The following FBRSL1 variants were observed in gnomAD, a reference collection of about 807,000 sequenced individuals.
FBRSL1 encodes the protein fibrosin like 1.
FBRSL1 carries 51 observed loss-of-function variants against 89.6 expected under a neutral mutation model. The ratio of observed to expected loss-of-function variants is 0.57; its 90% confidence interval spans 0.45 to 0.72. FBRSL1 has a LOEUF of 0.72. FBRSL1 is among the 30% of genes least tolerant of loss of function. The pLI is 0.00. For synonymous variants in FBRSL1, 779 were observed against 681.1 expected, an observed-to-expected ratio of 1.14 and a Z score of -2.24; for missense variants, 1,618 against 1,451.8, an observed-to-expected ratio of 1.11 and a Z score of -1.86.
chr12:132,548,046 C>A lies in FBRSL1; in HGVS notation c.645+14C>A. 6.5e-7 allele frequency: 1 copy of A among 1,549,996 alleles called. No homozygotes were observed. The highest frequency in any genetic ancestry group is 8.7e-7 in the Non-Finnish European group (1 of 1,146,570). ...CCGGACGACAAGGTAAGCCCAGCGT[C>A]CTCCTCCTGGGCTCGGCTGACAGCC... On this transcript the variant is annotated intron_variant, in intron 5 of 18. Coordinates refer to ENST00000680143, the MANE Select transcript of FBRSL1 (RefSeq NM_001367871.1).
intron 4 of FBRSL1, among the ~76,000 whole-genome samples, chr12:132,538,787 C>G (rs933169934): frequency 6.6e-6 from 1 of 152,150 alleles, no homozygotes; most frequent in Non-Finnish European, 1.5e-5. Flanking sequence ...AGCCTAAATA[C>G]TCATAAAAAC....
chr12:132,528,888 A>C (rs1403133745), intron 4 of FBRSL1, among the ~76,000 whole-genome samples: 1 of 152,096 alleles, frequency 6.6e-6, no homozygotes, highest in East Asian at 1.9e-4. Flanking sequence ...CTCCTTGCAC[A>C]TGTGCCTGGA....
chr12:132,512,780 C>G (rs1451992415), intron 2 of FBRSL1, among the ~76,000 whole-genome samples: 1 of 152,216 alleles, frequency 6.6e-6, no homozygotes, highest in African/African-American at 2.4e-5. Context: ...GCCAGGCTGC[C>G]AGGGAGGGCT....
At chr12:132,515,669 G>GCAA (rs1566126480) in intron 2 of FBRSL1, among the ~76,000 whole-genome samples, 1 of 152,142 alleles carries the variant, frequency 6.6e-6, no homozygotes, top group Non-Finnish European at 1.5e-5. Context: ...GGACCCCAAG[G>GCAA]AGGGTGGATC....
At position 132,583,486 on chromosome 12, in the gene FBRSL1, G is replaced by C; in HGVS notation, c.2717G>C (p.Arg906Pro). 9.5e-7 allele frequency: 1 copy of C among 1,050,292 alleles called. No individual in the cohort carries two copies. Among genetic ancestry groups the C allele is most frequent in the Non-Finnish European group, 1.1e-6 (1 of 871,064 alleles). The allele number at this position is 1,050,292 out of a possible 1,614,324, so 65.1% of individuals were successfully genotyped here. Reference sequence around the variant, plus strand: ...CTGCGCGGGGAGCTGGAGCGCGCGCGGGCCCCGCACCTGCCGCCCGCCGCC... The same window carrying C: ...CTGCGCGGGGAGCTGGAGCGCGCGCCGGCCCCGCACCTGCCGCCCGCCGCC... ...ERLRGELERA[R>P]APHLPPAAPA... Residue 906 changes from arginine (R) to proline (P), a missense_variant, in exon 19 of 19, where the codon CGG becomes CCG. Transcript: ENST00000680143.
At chr12:132,491,797 C>G (rs1047202467) in intron 1 of FBRSL1, among the ~76,000 whole-genome samples, 3 of 152,260 alleles carry the variant, frequency 2.0e-5, no homozygotes, top group Admixed American at 6.5e-5. Context: ...TGTAGAGAGC[C>G]TTGGGTCAGG....
At chr12:132,492,376 A>C (rs1039614466) in intron 1 of FBRSL1, among the ~76,000 whole-genome samples, 1 of 150,894 alleles carries the variant, frequency 6.6e-6, no homozygotes, top group Non-Finnish European at 1.5e-5. Context: ...TGTCATCCCC[A>C]CTCTGCAAAG....
chr12:132,496,515 T>C (rs1167080527), intron 1 of FBRSL1, among the ~76,000 whole-genome samples: 2 of 152,220 alleles, frequency 1.3e-5, no homozygotes, highest in African/African-American at 4.8e-5. Context: ...ACCTGACATC[T>C]CTACCTGGGT....
chr12:132,510,068 G>T, intron 2 of FBRSL1: 3 of 1,231,178 alleles, frequency 2.4e-6, no homozygotes, highest in Non-Finnish European at 3.0e-6. Context: ...TCCTGGGCCC[G>T]GGACGGCCGA....
intron 1 of FBRSL1, among the ~76,000 whole-genome samples, chr12:132,497,893 G>T (rs2032302022): frequency 6.6e-6 from 1 of 152,216 alleles, no homozygotes; most frequent in Non-Finnish European, 1.5e-5. Flanking sequence ...GTGTGTGTTT[G>T]TGCCACGCAT....
intron 1 of FBRSL1, among the ~76,000 whole-genome samples, chr12:132,505,330 G>A (rs1014665931): frequency 8.5e-5 from 13 of 152,194 alleles, no homozygotes; most frequent in Non-Finnish European, 1.8e-4. Flanking sequence ...CATCCTTGGG[G>A]TGTGGTGGTT....
rs553389153 is a variant in FBRSL1, at chr12:132,583,727, G to A, written c.2958G>A (p.Glu986=). 1.1e-3 allele frequency: 1,384 copies of A among 1,215,788 alleles called. 7 individuals carry two copies. Among genetic ancestry groups the A allele is most frequent in the South Asian group, 4.8e-3 (117 of 24,194 alleles). The allele number at this position is 1,215,788 out of a possible 1,614,324, so 75.3% of individuals were successfully genotyped here. Residue 986 remains glutamate, a synonymous_variant, in exon 19 of 19, where the codon GAG becomes GAA. Transcript: ENST00000680143. ...TTPLGGLGPG[E]ARDYSPSRNP... Reference sequence around the variant, plus strand: ...CGCTGGGGGGCCTCGGGCCGGGCGAGGCGCGCGACTACTCCCCGTCCCGAA... The same window carrying A: ...CGCTGGGGGGCCTCGGGCCGGGCGAAGCGCGCGACTACTCCCCGTCCCGAA...
At chr12:132,568,729 C>G (rs2039805734) in intron 6 of FBRSL1, among the ~76,000 whole-genome samples, 1 of 152,086 alleles carries the variant, frequency 6.6e-6, no homozygotes, top group Admixed American at 6.5e-5. Context: ...GTGGGGCTGA[C>G]CCAGGGAGCT....
intron 5 of FBRSL1, chr12:132,554,143 T>C (rs1459424680): frequency 6.6e-6 from 1 of 152,250 alleles, no homozygotes. Flanking sequence ...CCACGAACAC[T>C]GCAGCGGGCG....
In FBRSL1 at chr12:132,582,097, T is replaced by G; in HGVS notation, c.2032T>G (p.Ser678Ala). Residue 678 changes from serine (S) to alanine (A), a missense_variant, in exon 18 of 19, where the codon TCC (serine) becomes GCC (alanine). Ser to Ala is a moderately conservative substitution (Grantham distance 99, BLOSUM62 1). Coordinates refer to ENST00000680143, the MANE Select transcript of FBRSL1 (RefSeq NM_001367871.1). ...CAGCATCTTTGCCCCCAAGGAGGGCTCCTCCGTGCACGGCCTGCCCAGCCC... is the reference window on the plus strand; with the variant it reads ...CAGCATCTTTGCCCCCAAGGAGGGCGCCTCCGTGCACGGCCTGCCCAGCCC... ...GGSIFAPKEGSSVHGLPSPHE... is the reference protein window; with the variant it reads ...GGSIFAPKEGASVHGLPSPHE... The G allele has an allele frequency of 6.5e-7, 1 of 1,549,006 alleles. No individual in the cohort carries two copies. Among genetic ancestry groups the G allele is most frequent in the Non-Finnish European group, 8.7e-7 (1 of 1,146,276 alleles).
rs766030681 is a variant in FBRSL1, at chr12:132,582,167, C to T, written c.2102C>T (p.Pro701Leu). The stretch of plus-strand genomic sequence containing the variant: ...CTGCACCGGGCACCGCCCTCCTTCC[C>T]GGCTCCGCCCCCGTGGCCCAAGTCC... ...NRLHRAPPSF[P>L]APPPWPKSVD... The change falls in exon 18 of 19, where the codon CCG becomes CTG. Residue 701 changes from proline (P) to leucine (L), a missense_variant. By Grantham distance (98) the Pro-to-Leu change is moderately conservative (BLOSUM62 -3). Transcript: ENST00000680143. 93 of 1,549,990 alleles carry T rather than the reference C, an allele frequency of 6.0e-5. No individual in the cohort carries two copies. In the South Asian group the frequency reaches 6.7e-4, roughly 11 times the overall value.
intron 15 of FBRSL1, among the ~76,000 whole-genome samples, chr12:132,578,341 T>TCACACACACACA (rs547551851): frequency 1.3e-3 from 38 of 28,648 alleles, no homozygotes; most frequent in African/African-American, 4.0e-3. Context: ...CAAGACCCTG[T>TCACACACACACA]CTCACACACA....
At chr12:132,512,073 C>G (rs1437509838) in intron 2 of FBRSL1, 2 of 918,926 alleles carry the variant, frequency 2.2e-6, no homozygotes, top group East Asian at 1.2e-4. Context: ...GAGGGGAGAC[C>G]TGGAGCATCT....
chr12:132,526,013 G>A (rs1431009069), intron 3 of FBRSL1, among the ~76,000 whole-genome samples, 190 bp downstream of exon 3: 1 of 152,264 alleles, frequency 6.6e-6, no homozygotes, highest in Non-Finnish European at 1.5e-5. Flanking sequence ...CGCTGGTTAG[G>A]GTCCGGTTTC....
Sources: allele counts gnomAD v4.1 joint callset (sites outside exome capture counted in the v4.1 genomes callset), GRCh38; gene constraint gnomAD v4.1.1; transcripts MANE v1.5; gene names NCBI Gene and HGNC (gene_info 2026-07-23, HGNC 2026-07-21).